Variants in TRRAP observed in about 807,000 individuals in gnomAD.
TRRAP encodes the protein transformation/transcription domain-associated protein.
In TRRAP, 41 loss-of-function variants were observed where a neutral mutation model predicts 438.8. The ratio of observed to expected loss-of-function variants is 0.09; its 90% CI spans 0.07 to 0.12. The LOEUF is 0.12. TRRAP is among the 10% of genes least tolerant of loss of function. The probability of loss-of-function intolerance (pLI) is 1.00; values close to 1 mark genes in which losing one functional copy is unlikely to be tolerated. For missense variants in TRRAP, 3,122 were observed against 5,055.1 expected (o/e 0.62, Z 11.60); for synonymous variants, 1,994 against 1,962.9 (o/e 1.02, Z -0.42).
At chr7:98,939,538 T>A (rs1485283095) in intron 30 of TRRAP, among the ~76,000 whole-genome samples, 1 of 152,226 alleles carries the variant, frequency 6.6e-6, no homozygotes, top group Non-Finnish European at 1.5e-5. Flanking sequence ...AAAAACAAAG[T>A]ATAATATGGA....
chr7:98,946,031 T>C, intron 33 of TRRAP, 81 bp downstream of exon 33: 1 of 1,330,006 alleles, frequency 7.5e-7, no homozygotes, highest in Non-Finnish European at 9.7e-7. Flanking sequence ...GTCGTGGTTC[T>C]GTACTGGACA....
intron 59 of TRRAP, among the ~76,000 whole-genome samples, chr7:98,982,613 G>A (rs895482991): frequency 1.6e-4 from 25 of 152,286 alleles, no homozygotes; most frequent in Admixed American, 2.0e-4. Context: ...TATCGTGTGC[G>A]CCATAGAAGC....
chr7:98,894,188 G>GCT lies in TRRAP; in HGVS notation c.450+310_450+311dup, dbSNP rs372683228. Among the ~76,000 whole-genome samples the GCT allele has an allele frequency of 8.5e-4, 130 of 152,310 alleles. 3 individuals carry two copies. The East Asian group carries it at 0.021, about 25-fold the overall frequency. On this transcript the variant is annotated intron_variant, in intron 6 of 72. Transcript: ENST00000456197. ...ATGTTGTACAGGGATTAAGATGTGGGCTCTGAAGCCAGAGCCGGGTTTGAA... is the reference window on the plus strand; with the variant it reads ...ATGTTGTACAGGGATTAAGATGTGGGCTCTCTGAAGCCAGAGCCGGGTTTGAA...
In TRRAP at chr7:99,011,578, A is replaced by T. The variant is rs776674439; in HGVS notation, c.11337+43A>T. 1.3e-6 allele frequency: 2 copies of T among 1,586,886 alleles called. No individual in the cohort carries two copies. The highest frequency in any genetic ancestry group is 8.6e-7 in the Non-Finnish European group (1 of 1,167,482). On this transcript the variant is annotated intron_variant, in intron 72 of 72. Transcript: ENST00000456197. The surrounding 1 kb of genome is among the most constrained non-coding windows in gnomAD (Gnocchi z 7.1). The stretch of plus-strand genomic sequence containing the variant: ...CCTATCACAGGCGCAGGCTAGAGCC[A>T]CTCAGATGCCCGCGCGTCACGGCCT...
Position 98,981,853 on chromosome 7 carries a change from C to G in TRRAP, c.8719C>G (p.Gln2907Glu). The G allele has an allele frequency of 6.2e-7, 1 of 1,608,286 alleles. No homozygotes were observed. Among genetic ancestry groups the G allele is most frequent in the Non-Finnish European group, 8.5e-7 (1 of 1,178,040 alleles). The change falls in exon 59 of 73, where the codon CAG becomes GAG. Residue 2907 changes from glutamine to glutamate, a missense_variant. Around this residue, in one of 24 missense-constraint regions of TRRAP, gnomAD observed 992 missense variants for 1,281.2 expected, o/e 0.77. Coordinates refer to ENST00000456197, the MANE Select transcript of TRRAP (RefSeq NM_001375524.1). ...GGCCATCTGCCACCCCGAGGAGCAG[C>G]AGCTCAGCTTCATCGAGCGCCTGGT... ...YLAICHPEEQQLSFIERLVEM... is the reference protein window; with the variant it reads ...YLAICHPEEQELSFIERLVEM...
At chr7:98,894,603 C>T (rs1796113169) in intron 6 of TRRAP, among the ~76,000 whole-genome samples, 8 of 139,372 alleles carry the variant, frequency 5.7e-5, no homozygotes, top group Admixed American at 5.5e-4. Flanking sequence ...TCTTTCCTTT[C>T]CTTTCTCTTT....
chr7:98,883,785 A>G (rs1795569478), intron 3 of TRRAP, among the ~76,000 whole-genome samples: 1 of 152,140 alleles, frequency 6.6e-6, no homozygotes, highest in Non-Finnish European at 1.5e-5. Context: ...AAGTGCTGGG[A>G]TTATGGATGT....
intron 3 of TRRAP, 87 bp downstream of exon 3, chr7:98,882,111 C>G (rs1376106447): frequency 2.7e-6 from 3 of 1,103,122 alleles, no homozygotes; most frequent in African/African-American, 1.6e-5. Context: ...TTTTTACTAG[C>G]AACTCAAAGA....
Position 98,956,447 on chromosome 7 carries a change from G to A in TRRAP, c.6145G>A (p.Val2049Ile), listed in dbSNP as rs142594775. ...PNSSGEGVNSVSSSIKRGLSV... is the reference protein window; with the variant it reads ...PNSSGEGVNSISSSIKRGLSV... ...TTCCAGTGGAGAAGGAGTCAATTCT[G>A]TCTCATCCTCCATTAAGAGAGGCCT... is the stretch of plus-strand genomic sequence containing the variant. Residue 2049 changes from valine to isoleucine, a missense_variant, in exon 43 of 73, where the codon GTC becomes ATC. Physicochemically the swap from Val to Ile is conservative, Grantham distance 29. Around this residue, in one of 24 missense-constraint regions of TRRAP, gnomAD observed 992 missense variants for 1,281.2 expected, o/e 0.77. Coordinates refer to ENST00000456197, the MANE Select transcript of TRRAP (RefSeq NM_001375524.1). This position sits in a 1 kb window ranked among gnomAD's most constrained non-coding sequence, Gnocchi z 4.5. The A allele has an allele frequency of 3.2e-4, 512 of 1,614,192 alleles. 1 individual carries two copies. The African/African-American group carries it at 5.9e-3, about 18-fold the overall frequency.
Position 99,011,481 on chromosome 7 carries a change from G to T in TRRAP, c.11283G>T (p.Pro3761=). The change falls in exon 72 of 73, where the codon CCG becomes CCT. Residue 3761 remains proline, a synonymous_variant. Coordinates refer to ENST00000456197, the MANE Select transcript of TRRAP (RefSeq NM_001375524.1). This position sits in a 1 kb window ranked among gnomAD's most constrained non-coding sequence, Gnocchi z 7.1. ...TGACCACCATCGGGGTCTCCGGCCC[G>T]TTGACAGCGTCCATGATTGCGGTCG... is the stretch of plus-strand genomic sequence containing the variant. ...EFLTTIGVSG[P]LTASMIAVAR... is the part of the protein sequence containing the mutation. 1 of 1,614,248 alleles carries T rather than the reference G, an allele frequency of 6.2e-7. No homozygotes were observed. Among genetic ancestry groups the T allele is most frequent in the Non-Finnish European group, 8.5e-7 (1 of 1,180,044 alleles).
chr7:98,978,460 C>A, intron 57 of TRRAP, 137 bp downstream of exon 57: 1 of 816,934 alleles, frequency 1.2e-6, no homozygotes, highest in Non-Finnish European at 1.9e-6. Context: ...CAAATAGAAA[C>A]CCAAAACCAG....
chr7:98,958,066 A>G lies in TRRAP; in HGVS notation c.6317A>G (p.Asn2106Ser). The G allele has an allele frequency of 6.2e-7, 1 of 1,614,104 alleles. No individual in the cohort carries two copies. Among genetic ancestry groups the G allele is most frequent in the South Asian group, 1.1e-5 (1 of 91,070 alleles). The change falls in exon 44 of 73, where the codon AAC (asparagine) becomes AGC (serine). Residue 2106 changes from asparagine (N) to serine (S), a missense_variant. Asn to Ser is a conservative substitution (Grantham distance 46). Around this residue, in one of 24 missense-constraint regions of TRRAP, gnomAD observed 992 missense variants for 1,281.2 expected, o/e 0.77. Transcript: ENST00000456197. ...IDKQHTDTVV[N>S]FLIRVACQVN... ...AAGCAGCACACAGACACTGTGGTGA[A>G]CTTCCTTATCCGCGTGGCCTGTCAG...
At chr7:98,988,993 C>T (rs775160314) in intron 63 of TRRAP, 27 bp downstream of exon 63, 2 of 1,599,662 alleles carry the variant, frequency 1.3e-6, no homozygotes, top group South Asian at 2.2e-5. Context: ...GAGCTTTGAC[C>T]AGAGGCCATC....
chr7:98,900,562 TTTAA>T, intron 10 of TRRAP, 58 bp from the exon 11 acceptor site: 1 of 1,419,748 alleles, frequency 7.0e-7, no homozygotes, highest in Non-Finnish European at 9.7e-7. Context: ...GTTACAGGCT[TTTAA>T]TTAATACTAA....
At chr7:98,916,032 T>C in intron 19 of TRRAP, 144 bp downstream of exon 19, 2 of 1,104,470 alleles carry the variant, frequency 1.8e-6, no homozygotes, top group Non-Finnish European at 2.5e-6. Context: ...GCCGCCCCCC[T>C]GCCCCCCTCC....
rs146394849 is a variant in TRRAP, at chr7:98,963,373, C to T, written c.6829+946C>T. ...AGTGGAGTCACCCTGCAGAAGATGC[C>T]AGCTTCCATCACAGGGCAGCACAAG... On this transcript the variant is annotated intron_variant, in intron 47 of 72. Coordinates refer to ENST00000456197, the MANE Select transcript of TRRAP (RefSeq NM_001375524.1). Among the ~76,000 whole-genome samples, 823 of 152,258 alleles carry T rather than the reference C, an allele frequency of 5.4e-3. 3 individuals carry two copies. Among genetic ancestry groups the T allele is most frequent in the African/African-American group, 0.018 (729 of 41,548 alleles).
intron 27 of TRRAP, among the ~76,000 whole-genome samples, chr7:98,933,647 A>T (rs1161304743): frequency 6.6e-6 from 1 of 152,222 alleles, no homozygotes; most frequent in Non-Finnish European, 1.5e-5. Context: ...TAGCCCCAAC[A>T]GGAATCTTTG....
intron 60 of TRRAP, 69 bp downstream of exon 60, chr7:98,983,528 CT>C (rs749657152): frequency 6.4e-7 from 1 of 1,572,104 alleles, no homozygotes; most frequent in South Asian, 1.1e-5. Context: ...CTGGTTTCGT[CT>C]CTGTGTTTTG....
chr7:98,953,096 C>T, intron 39 of TRRAP, 71 bp from the exon 40 acceptor site: 2 of 1,535,478 alleles, frequency 1.3e-6, no homozygotes, highest in Non-Finnish European at 1.8e-6. Context: ...AGGCTTAAAC[C>T]TGTCGTATGA....
Sources: gnomAD v4.1 joint callset for allele counts (sites outside exome capture counted in the v4.1 genomes callset) on GRCh38, gnomAD v4.1.1 for gene constraint, gnomAD v4.1.1 regional missense constraint, Gnocchi (gnomAD v3.1) non-coding constraint, MANE v1.5 for transcripts, NCBI Gene and HGNC (gene_info 2026-07-23, HGNC 2026-07-21) for gene names.